Variants in EFL1 observed in about 807,000 individuals in gnomAD.
The protein encoded by EFL1 is elongation factor-like GTPase 1.
A neutral mutation model predicts 126.7 loss-of-function variants in EFL1; 76 were observed. The ratio of observed to expected loss-of-function variants is 0.60; its 90% confidence interval spans 0.50 to 0.73. The LOEUF (loss-of-function observed/expected upper bound fraction) is 0.73. EFL1 is among the 30% of genes least tolerant of loss of function. EFL1 has a pLI of 0.00. For synonymous variants in EFL1, 410 were observed against 448.4 expected, an observed-to-expected ratio of 0.91 and a Z score of 1.08; for missense variants, 1,128 against 1,343.2, an observed-to-expected ratio of 0.84 and a Z score of 2.50.
At chr15:82,234,926 C>A (rs2016372) in intron 7 of EFL1, among the ~76,000 whole-genome samples, 21,351 of 152,074 alleles carry the variant, frequency 0.14, 1,707 homozygotes, top group South Asian at 0.38. Flanking sequence ...TTTTTGATTC[C>A]ACAAGTCAGA....
At chr15:82,220,014 G>A in intron 13 of EFL1, 64 bp downstream of exon 13, 4 of 1,526,310 alleles carry the variant, frequency 2.6e-6, no homozygotes, top group East Asian at 2.3e-5. Flanking sequence ...ACTAAAGGAT[G>A]AGTGTCCCAA....
intron 18 of EFL1, among the ~76,000 whole-genome samples, chr15:82,140,505 T>C (rs1423391706): frequency 3.9e-5 from 6 of 152,166 alleles, no homozygotes; most frequent in African/African-American, 1.4e-4. Context: ...TGAGTATTCT[T>C]TGAGGCTTCA....
chr15:82,207,922 T>C lies in EFL1; in HGVS notation c.1750+6795A>G, dbSNP rs568423591. On this transcript the variant is annotated intron_variant, in intron 15 of 19. Transcript: ENST00000268206. Reference sequence around the variant, plus strand: ...TTCCAGTAGAGATGGGGTTTCACCATGTTGGCCAGGCTGGTTTTGAACTCC... The same window carrying C: ...TTCCAGTAGAGATGGGGTTTCACCACGTTGGCCAGGCTGGTTTTGAACTCC... Among the ~76,000 whole-genome samples the C allele has an allele frequency of 3.9e-5, 6 of 152,254 alleles. No individual in the cohort carries two copies. The East Asian group carries it at 1.2e-3, about 29-fold the overall frequency.
In EFL1 at chr15:82,227,473, G is replaced by C; in HGVS notation, c.1169C>G (p.Pro390Arg). The change falls in exon 11 of 20, where the codon CCA becomes CGA. Residue 390 changes from proline (P) to arginine (R), a missense_variant. Transcript: ENST00000268206. ...ACCTGCTTTCAGTGCTTGAGTTTCT[G>C]GTGGAAAAGAGTCAAAAGTTTGTGA... The part of the protein sequence containing the change: ...TGSQTFDSFP[P>R]ETQALKAAFM... The C allele has an allele frequency of 6.2e-7, 1 of 1,614,080 alleles. No homozygotes were observed. Among genetic ancestry groups the C allele is most frequent in the East Asian group, 2.2e-5 (1 of 44,872 alleles).
At chr15:82,243,890 AATAAGTG>A (rs1228666337) in intron 4 of EFL1, among the ~76,000 whole-genome samples, 1 of 152,146 alleles carries the variant, frequency 6.6e-6, no homozygotes, top group African/African-American at 2.4e-5. Flanking sequence ...CATCCTAAAA[AATAAGTG>A]TCTGATCAAA....
chr15:82,197,302 A>G (rs187308145), intron 15 of EFL1, among the ~76,000 whole-genome samples: 2 of 152,334 alleles, frequency 1.3e-5, no homozygotes, highest in Admixed American at 1.3e-4. Context: ...ATTTCCAAGC[A>G]TATCTGATTT....
In EFL1 at chr15:82,151,817, A is replaced by C; in HGVS notation, c.2637T>G (p.Ser879=). Residue 879 remains serine, a synonymous_variant, in exon 18 of 20, where the codon TCT becomes TCG. Coordinates refer to ENST00000268206, the MANE Select transcript of EFL1 (RefSeq NM_024580.6). The part of the protein sequence containing the change: ...IVSGFQLATL[S]GPMCEEPLMG... The stretch of plus-strand genomic sequence containing the variant: ...TGAGAGGCTCCTCACACATGGGGCC[A>C]GAGAGGGTTGCTAGTTGGAAGCCAC... 6.2e-7 allele frequency: 1 copy of C among 1,614,186 alleles called. No individual in the cohort carries two copies. Among genetic ancestry groups the C allele is most frequent in the East Asian group, 2.2e-5 (1 of 44,870 alleles).
chr15:82,226,818 C>A (rs990164089), intron 11 of EFL1, among the ~76,000 whole-genome samples: 1 of 152,044 alleles, frequency 6.6e-6, no homozygotes, highest in African/African-American at 2.4e-5. Flanking sequence ...TTGAGGCACC[C>A]CAAAGTTAAA....
At chr15:82,132,628 C>T (rs775186487) in intron 19 of EFL1, among the ~76,000 whole-genome samples, 31 of 129,926 alleles carry the variant, frequency 2.4e-4, no homozygotes, top group Non-Finnish European at 4.5e-4. Context: ...GAAGTGGGAG[C>T]CCAGTTAGAG....
intron 4 of EFL1, among the ~76,000 whole-genome samples, chr15:82,247,283 T>G (rs573075627): frequency 1.6e-4 from 25 of 152,224 alleles, no homozygotes; most frequent in Non-Finnish European, 2.9e-4. Flanking sequence ...CCAGAAAGTA[T>G]TCATGACAAC....
chr15:82,132,638 G>A (rs1391385365), intron 19 of EFL1, among the ~76,000 whole-genome samples: 2 of 140,002 alleles, frequency 1.4e-5, no homozygotes, highest in Non-Finnish European at 3.1e-5. Context: ...CCCAGTTAGA[G>A]GTTGGGCAAC....
rs1348677535 is a variant in EFL1 at position 82,259,085 on chromosome 15, T to C, written c.159+3A>G. 1.1e-5 allele frequency: 18 copies of C among 1,613,004 alleles called. No homozygotes were observed. The highest frequency in any genetic ancestry group is 1.5e-5 in the Non-Finnish European group (18 of 1,179,308). ...AACAAGTATTTATAAAATAATAACATACCTTGCCTGCTAGGCGGCTGGAGA... is the reference window on the plus strand; with the variant it reads ...AACAAGTATTTATAAAATAATAACACACCTTGCCTGCTAGGCGGCTGGAGA... On this transcript the variant is annotated splice_donor_region_variant and intron_variant, in intron 3 of 19. Coordinates refer to ENST00000268206, the MANE Select transcript of EFL1 (RefSeq NM_024580.6).
chr15:82,184,517 A>C (rs1054187800), intron 15 of EFL1, among the ~76,000 whole-genome samples: 1 of 152,220 alleles, frequency 6.6e-6, no homozygotes. Flanking sequence ...TGTTCCTTCT[A>C]CTACCGCATA....
chr15:82,158,514 C>T (rs571896630), intron 16 of EFL1, among the ~76,000 whole-genome samples: 23 of 152,322 alleles, frequency 1.5e-4, no homozygotes, highest in African/African-American at 5.5e-4. Context: ...TACTCAACTG[C>T]TACTGCTCCC....
At chr15:82,230,278 A>G (rs1440076763) in intron 8 of EFL1, among the ~76,000 whole-genome samples, 1 of 152,202 alleles carries the variant, frequency 6.6e-6, no homozygotes, top group Non-Finnish European at 1.5e-5. Context: ...ATGATTTTCA[A>G]TGAGAATAAA....
intron 16 of EFL1, among the ~76,000 whole-genome samples, chr15:82,158,415 T>C (rs1044182768): frequency 3.9e-5 from 6 of 152,222 alleles, no homozygotes; most frequent in African/African-American, 1.4e-4. Context: ...ATTTTTCATA[T>C]ATAATTGCTT....
In EFL1 at chr15:82,240,484, G is replaced by A; in HGVS notation, c.450C>T (p.Arg150=). 6.2e-7 allele frequency: 1 copy of A among 1,613,964 alleles called. No individual in the cohort carries two copies. The highest frequency in any genetic ancestry group is 8.5e-7 in the Non-Finnish European group (1 of 1,179,948). Residue 150 remains arginine, a synonymous_variant, in exon 6 of 20, where the codon CGC becomes CGT. Transcript: ENST00000268206. ...RPVLVINKID[R]LIVELKFTPQ... ...GGGTGAATTTCAGTTCCACTATCAA[G>A]CGATCAATCTTATTAATCACTAAAA... is the stretch of plus-strand genomic sequence containing the variant.
At chr15:82,221,533 A>G (rs374658047) in intron 12 of EFL1, among the ~76,000 whole-genome samples, 45 of 152,300 alleles carry the variant, frequency 3.0e-4, no homozygotes, top group East Asian at 1.5e-3. Context: ...TAGTCCTAGT[A>G]TCCAGGACTA....
chr15:82,205,627 C>T (rs1373605600), intron 15 of EFL1, among the ~76,000 whole-genome samples: 2 of 152,122 alleles, frequency 1.3e-5, no homozygotes, highest in Non-Finnish European at 2.9e-5. Flanking sequence ...CTTTAACTGA[C>T]AAATTTCAAC....
Sources: allele counts gnomAD v4.1 joint callset (sites outside exome capture counted in the v4.1 genomes callset), GRCh38; gene constraint gnomAD v4.1.1; transcripts MANE v1.5; gene names NCBI Gene and HGNC (gene_info 2026-07-23, HGNC 2026-07-21).